Variants in DARS2 observed in about 807,000 individuals in gnomAD.
DARS2 encodes the protein aspartyl-tRNA synthetase 2, mitochondrial, also known as aspartate--tRNA ligase, mitochondrial.
Under a neutral mutation model 83.0 loss-of-function variants are expected in DARS2, and 63 were observed. The ratio of observed to expected loss-of-function variants is 0.76; its 90% CI spans 0.62 to 0.94. The LOEUF is 0.94. DARS2 is among the 40% of genes least tolerant of loss of function. DARS2 has a pLI of 0.00. For missense variants in DARS2, 675 were observed against 774.4 expected, an observed-to-expected ratio of 0.87 and a Z score of 1.52; for synonymous variants, 250 against 269.3, an observed-to-expected ratio of 0.93 and a Z score of 0.70.
rs1357018080 is a variant in DARS2, at chr1:173,857,499, C to G, written c.1751-19C>G. The G allele has an allele frequency of 3.1e-6, 5 of 1,609,696 alleles. No individual in the cohort carries two copies. The highest frequency in any genetic ancestry group is 4.3e-6 in the Non-Finnish European group (5 of 1,176,142). The stretch of plus-strand genomic sequence containing the variant: ...TTAGATTACATTTCTCATCTGTTAT[C>G]TTTGTATTTTACTCACAGGGTTAGA... On this transcript the variant is annotated intron_variant, in intron 16 of 16. Transcript: ENST00000649689.
In DARS2 at chr1:173,835,503, A is replaced by T. The variant is rs561241136; in HGVS notation, c.663+984A>T. On this transcript the variant is annotated intron_variant, in intron 7 of 16. Transcript: ENST00000649689. Reference sequence around the variant, plus strand: ...GAGGATGACTTGATCCCAGGAGTTCAAGACCAGCTTGGGCAACAAGACCGT... The same window carrying T: ...GAGGATGACTTGATCCCAGGAGTTCTAGACCAGCTTGGGCAACAAGACCGT... Among the ~76,000 whole-genome samples, 8 of 151,820 alleles carry T rather than the reference A, an allele frequency of 5.3e-5. No homozygotes were observed. The South Asian group carries it at 1.7e-3, about 32-fold the overall frequency.
rs146597861 is a variant in DARS2 at position 173,839,327 on chromosome 1, T to C, written c.841-40T>C. 2,307 of 1,582,266 alleles carry C rather than the reference T, an allele frequency of 1.5e-3. 32 individuals carry two copies. In the African/African-American group the frequency reaches 0.028, roughly 19 times the overall value. On this transcript the variant is annotated intron_variant, in intron 9 of 16. Coordinates refer to ENST00000649689, the MANE Select transcript of DARS2 (RefSeq NM_018122.5). ...AGAAAAATATATAAATGTGTATATA[T>C]TGTGGCTAAATTAGTTTCCATATGG...
At position 173,838,229 on chromosome 1, in the gene DARS2, A is replaced by G. The variant is rs1184534526; in HGVS notation, c.810A>G (p.Ser270=). The G allele has an allele frequency of 6.2e-7, 1 of 1,613,844 alleles. No homozygotes were observed. The highest frequency in any genetic ancestry group is 1.7e-5 in the Admixed American group (1 of 60,020). Reference sequence around the variant, plus strand: ...CCCGATGTTATCGAGATGAAGGTTCAAGACCAGACAGACAGCCTGAGTTTA... The same window carrying G: ...CCCGATGTTATCGAGATGAAGGTTCGAGACCAGACAGACAGCCTGAGTTTA... ...QVARCYRDEG[S]RPDRQPEFTQ... The change falls in exon 9 of 17, where the codon TCA becomes TCG. Residue 270 remains serine, a synonymous_variant. Transcript: ENST00000649689.
chr1:173,850,088 GT>G (rs1278979635), intron 12 of DARS2, among the ~76,000 whole-genome samples: 1 of 151,424 alleles, frequency 6.6e-6, no homozygotes, highest in African/African-American at 2.4e-5. Context: ...AACTCCTGAG[GT>G]GATCCACCCA....
chr1:173,852,684 T>C (rs1489269937), intron 13 of DARS2, among the ~76,000 whole-genome samples: 1 of 152,088 alleles, frequency 6.6e-6, no homozygotes, highest in Non-Finnish European at 1.5e-5. Flanking sequence ...TTTGTATTTT[T>C]AGTAGTGACG....
chr1:173,834,445 C>T, intron 6 of DARS2, 28 bp from the exon 7 acceptor site: 1 of 1,560,826 alleles, frequency 6.4e-7, no homozygotes, highest in Non-Finnish European at 8.8e-7. Context: ...TTCCTATCTA[C>T]TAAGTGATAA....
At chr1:173,834,933 C>T (rs1008170051) in intron 7 of DARS2, among the ~76,000 whole-genome samples, 1 of 151,222 alleles carries the variant, frequency 6.6e-6, no homozygotes, top group African/African-American at 2.4e-5. Context: ...CATGCACCAC[C>T]ATGCCCGGCT....
Position 173,825,215 on chromosome 1 carries a change from TC to T in DARS2, c.-14del. 1 of 1,610,430 alleles carries T rather than the reference TC, an allele frequency of 6.2e-7. No individual in the cohort carries two copies. The highest frequency in any genetic ancestry group is 1.7e-4 in the Middle Eastern group (1 of 6,046). The stretch of plus-strand genomic sequence containing the variant: ...GGGATTTCGTGATTGTTTTTCGCCA[TC>T]GTGTGGCTCCAACATGTACTTCCCT... On this transcript the variant is annotated 5_prime_UTR_variant, in exon 1 of 17. In the 5' UTR this introduces an upstream ATG that the reference lacks. Coordinates refer to ENST00000649689, the MANE Select transcript of DARS2 (RefSeq NM_018122.5).
rs560324631 is a variant in DARS2 at position 173,824,843 on chromosome 1, G to T, written c.-387G>T. On this transcript the variant is annotated 5_prime_UTR_variant, in exon 1 of 17. Coordinates refer to ENST00000649689, the MANE Select transcript of DARS2 (RefSeq NM_018122.5). ...CCGGTTCTGGCCGCGGGAGCCTCTCGAGAAGCGTGGAAAGAGGAGAAGGGC... is the reference window on the plus strand; with the variant it reads ...CCGGTTCTGGCCGCGGGAGCCTCTCTAGAAGCGTGGAAAGAGGAGAAGGGC... 4.6e-6 allele frequency: 1 copy of T among 217,852 alleles called. No homozygotes were observed. The highest frequency in any genetic ancestry group is 9.5e-6 in the Non-Finnish European group (1 of 105,110). The allele number at this position is 217,852 out of a possible 1,614,324, so 13.5% of individuals were successfully genotyped here.
chr1:173,825,843 T>G lies in DARS2; in HGVS notation c.127+487T>G, dbSNP rs1229335852. Among the ~76,000 whole-genome samples the G allele has an allele frequency of 4.0e-5, 6 of 151,264 alleles. No individual in the cohort carries two copies. In the East Asian group the frequency reaches 5.8e-4, roughly 15 times the overall value. ...TCTCATTATATTCATTATACGGCAG[T>G]TTTTTTTCCCTGAGTTTTTAGAAAG... On this transcript the variant is annotated intron_variant, in intron 1 of 16. Transcript: ENST00000649689.
chr1:173,844,734 C>T (rs1653359037), intron 11 of DARS2, among the ~76,000 whole-genome samples: 1 of 111,234 alleles, frequency 9.0e-6, no homozygotes, highest in Non-Finnish European at 1.8e-5. Flanking sequence ...AAAATAAGCA[C>T]TGTAACAAGC....
intron 4 of DARS2, 136 bp from the exon 5 acceptor site, chr1:173,831,399 A>G: frequency 1.3e-6 from 1 of 769,094 alleles, no homozygotes; most frequent in Non-Finnish European, 2.4e-6. Flanking sequence ...ATGCACAGAC[A>G]TGTATGTTTT....
chr1:173,832,955 C>G (rs183287652), intron 5 of DARS2, among the ~76,000 whole-genome samples: 6 of 152,204 alleles, frequency 3.9e-5, no homozygotes, highest in Admixed American at 2.0e-4. Flanking sequence ...AGGCTGGCCT[C>G]AAACTCCTGT....
At chr1:173,831,436 C>T in intron 4 of DARS2, 99 bp from the exon 5 acceptor site, 1 of 946,756 alleles carries the variant, frequency 1.1e-6, no homozygotes. Context: ...GGACTTTGCA[C>T]ATTTTACATA....
chr1:173,856,584 C>A (rs1401216037), intron 15 of DARS2, 82 bp from the exon 16 acceptor site: 5 of 1,247,142 alleles, frequency 4.0e-6, no homozygotes, highest in Non-Finnish European at 5.9e-6. Context: ...AACTTTGTTT[C>A]CCCTTTATCA....
At chr1:173,834,732 G>GTTTTTTTTTGGTTTTTT (rs1652915044) in intron 7 of DARS2, among the ~76,000 whole-genome samples, 1 of 21,682 alleles carries the variant, frequency 4.6e-5, no homozygotes, top group Non-Finnish European at 8.5e-5. Context: ...GAGTTTTTTT[G>GTTTTTTTTTGGTTTTTT]TTTTTTTTTT....
intron 3 of DARS2, 121 bp from the exon 4 acceptor site, chr1:173,830,539 C>A (rs570828747): frequency 6.1e-6 from 5 of 822,644 alleles, no homozygotes; most frequent in Non-Finnish European, 2.1e-6. Flanking sequence ...AAGGAGCAGC[C>A]CCAGCCTTTA....
chr1:173,840,815 G>A, intron 10 of DARS2, 51 bp from the exon 11 acceptor site: 1 of 1,012,208 alleles, frequency 9.9e-7, no homozygotes, highest in Non-Finnish European at 1.6e-6. Context: ...AATGTTTTCA[G>A]ATAAAAATTA....
chr1:173,827,563 A>G (rs568035493), intron 2 of DARS2, among the ~76,000 whole-genome samples: 5 of 152,134 alleles, frequency 3.3e-5, no homozygotes, highest in Non-Finnish European at 5.9e-5. Flanking sequence ...CCCAGAAGGC[A>G]GAGGTTGCAG....
Sources: gnomAD v4.1 joint callset for allele counts (sites outside exome capture counted in the v4.1 genomes callset) on GRCh38, gnomAD v4.1.1 for gene constraint, MANE v1.5 for transcripts, NCBI Gene and HGNC (gene_info 2026-07-23, HGNC 2026-07-21) for gene names.